The following SLC6A11 variants were observed in gnomAD, a reference collection of about 807,000 sequenced individuals.
SLC6A11 encodes sodium- and chloride-dependent GABA transporter 3.
A neutral mutation model predicts 74.8 loss-of-function variants in SLC6A11; 25 were observed. That is an observed-to-expected ratio of 0.33 (90% CI 0.24 to 0.47). The LOEUF (loss-of-function observed/expected upper bound fraction) is 0.47. Ranked by LOEUF, SLC6A11 falls within the 20% of genes least tolerant of loss-of-function variation. The probability of loss-of-function intolerance (pLI) is 1.00; values close to 1 mark genes in which losing one functional copy is unlikely to be tolerated. For missense variants in SLC6A11, 574 were observed against 837.0 expected, an observed-to-expected ratio of 0.69 and a Z score of 3.88; for synonymous variants, 330 against 330.2, an observed-to-expected ratio of 1.00 and a Z score of 0.01.
chr3:10,875,510 A>G (rs1694896706), intron 6 of SLC6A11, among the ~76,000 whole-genome samples: 1 of 152,224 alleles, frequency 6.6e-6, no homozygotes, highest in African/African-American at 2.4e-5. Flanking sequence ...AACAAATACT[A>G]AATTTCAGTT....
chr3:10,826,198 C>T (rs570809490), intron 4 of SLC6A11, among the ~76,000 whole-genome samples: 1 of 152,322 alleles, frequency 6.6e-6, no homozygotes, highest in African/African-American at 2.4e-5. Context: ...TAGAGTAGTG[C>T]TACTTAAATG....
chr3:10,919,895 A>G (rs1025309515), intron 8 of SLC6A11, among the ~76,000 whole-genome samples: 3 of 152,240 alleles, frequency 2.0e-5, no homozygotes, highest in African/African-American at 7.2e-5. Flanking sequence ...TGGAAGCAAG[A>G]GAGCTGGAAC....
chr3:10,853,814 G>A (rs1353321038), intron 5 of SLC6A11, among the ~76,000 whole-genome samples: 1 of 152,234 alleles, frequency 6.6e-6, no homozygotes, highest in Non-Finnish European at 1.5e-5. Context: ...TTTGATGGAT[G>A]ACTGAGGACC....
In SLC6A11 at chr3:10,939,395, G is replaced by A; in HGVS notation, c.*993G>A. ...CTCTCCACCCTTGGCAGGGCTGGCT[G>A]GAGTTGCTGTGGGGACTGATTTTCT... On this transcript the variant is annotated 3_prime_UTR_variant, in exon 14 of 14. Transcript: ENST00000254488. 6.6e-6 allele frequency: 1 copy of A among 152,544 alleles called. No individual in the cohort carries two copies. Among genetic ancestry groups the A allele is most frequent in the Non-Finnish European group, 1.5e-5 (1 of 68,278 alleles). The allele number at this position is 152,544 out of a possible 1,614,324, so 9.4% of individuals were successfully genotyped here.
chr3:10,864,567 G>A (rs1339164482), intron 5 of SLC6A11, among the ~76,000 whole-genome samples: 4 of 152,088 alleles, frequency 2.6e-5, no homozygotes, highest in Non-Finnish European at 4.4e-5. Context: ...CCTGTTGGGT[G>A]TGTCTGTGAT....
intron 6 of SLC6A11, among the ~76,000 whole-genome samples, chr3:10,896,795 G>A (rs532566931): frequency 1.3e-5 from 2 of 152,250 alleles, no homozygotes; most frequent in South Asian, 4.2e-4. Flanking sequence ...AATGGTGAGG[G>A]GGCATAGACC....
chr3:10,868,777 C>A (rs1189522704), intron 5 of SLC6A11, among the ~76,000 whole-genome samples: 1 of 152,224 alleles, frequency 6.6e-6, no homozygotes, highest in Non-Finnish European at 1.5e-5. Context: ...TGGCCTCTTG[C>A]CTCTTCCAGA....
intron 4 of SLC6A11, among the ~76,000 whole-genome samples, chr3:10,832,081 A>G (rs1329576021): frequency 6.6e-6 from 1 of 152,236 alleles, no homozygotes; most frequent in Non-Finnish European, 1.5e-5. Flanking sequence ...AATTATTTAA[A>G]TGAATTAATG....
In SLC6A11 at chr3:10,935,021, C is replaced by G. The variant is rs374102891; in HGVS notation, c.1576-8C>G. On this transcript the variant is annotated splice_region_variant and splice_polypyrimidine_tract_variant and intron_variant, in intron 12 of 13. Coordinates refer to ENST00000254488, the MANE Select transcript of SLC6A11 (RefSeq NM_014229.3). ...ATCCCCCAGGCACCTGCCCCCATCT[C>G]TCTGCAGGGGATCTTCATCTTCTTC... 1.2e-6 allele frequency: 2 copies of G among 1,612,094 alleles called. No individual in the cohort carries two copies. Among genetic ancestry groups the G allele is most frequent in the South Asian group, 1.1e-5 (1 of 90,512 alleles).
chr3:10,830,185 A>T (rs143963689), intron 4 of SLC6A11, among the ~76,000 whole-genome samples: 218 of 152,306 alleles, frequency 1.4e-3, no homozygotes, highest in African/African-American at 4.7e-3. Flanking sequence ...AGTTGGTGAT[A>T]CTTTAGCTGG....
At chr3:10,887,428 T>A (rs975437400) in intron 6 of SLC6A11, among the ~76,000 whole-genome samples, 1 of 152,142 alleles carries the variant, frequency 6.6e-6, no homozygotes, top group Non-Finnish European at 1.5e-5. Context: ...GAAAAGACTT[T>A]ATGAAACACA....
chr3:10,862,369 G>A (rs1425797557), intron 5 of SLC6A11, among the ~76,000 whole-genome samples: 1 of 152,116 alleles, frequency 6.6e-6, no homozygotes, highest in Non-Finnish European at 1.5e-5. Context: ...CTTTATGGTA[G>A]AGCTACGTAA....
intron 4 of SLC6A11, among the ~76,000 whole-genome samples, chr3:10,841,659 C>T (rs1267063413): frequency 6.6e-6 from 1 of 152,206 alleles, no homozygotes. Context: ...CAAAAATTTG[C>T]AGCATCCACA....
chr3:10,897,314 T>C (rs1451986453), intron 6 of SLC6A11, among the ~76,000 whole-genome samples: 1 of 152,200 alleles, frequency 6.6e-6, no homozygotes, highest in Admixed American at 6.5e-5. Flanking sequence ...CCCAAAGTCT[T>C]ATTTCAGCAT....
At position 10,844,248 on chromosome 3, in the gene SLC6A11, C is replaced by A; in HGVS notation, c.658C>A (p.His220Asn). The A allele has an allele frequency of 6.2e-7, 1 of 1,614,216 alleles. No individual in the cohort carries two copies. The highest frequency in any genetic ancestry group is 1.1e-5 in the South Asian group (1 of 91,084). ...RVLAISDGIEHIGNLRWELAL... is the reference protein window; with the variant it reads ...RVLAISDGIENIGNLRWELAL... ...CCTGGCCATCTCTGACGGGATCGAG[C>A]ACATCGGGAACCTTCGCTGGGAGCT... The change falls in exon 5 of 14, where the codon CAC (histidine) becomes AAC (asparagine). Residue 220 changes from histidine to asparagine, a missense_variant. This residue lies in a region of SLC6A11 where 215 missense variants were observed against 357.9 expected (regional missense o/e 0.60). Coordinates refer to ENST00000254488, the MANE Select transcript of SLC6A11 (RefSeq NM_014229.3).
chr3:10,908,431 A>G (rs1695339354), intron 6 of SLC6A11, among the ~76,000 whole-genome samples: 1 of 152,206 alleles, frequency 6.6e-6, no homozygotes, highest in South Asian at 2.1e-4. Flanking sequence ...AATGGTGAAC[A>G]TCAGAATAAA....
rs1399802777 is a variant in SLC6A11 at position 10,816,372 on chromosome 3, C to T, written c.107C>T (p.Ala36Val). 1 of 1,480,518 alleles carries T rather than the reference C, an allele frequency of 6.8e-7. No individual in the cohort carries two copies. Among genetic ancestry groups the T allele is most frequent in the Non-Finnish European group, 9.0e-7 (1 of 1,116,278 alleles). 91.7% of individuals were successfully genotyped at this position (1,480,518 alleles called of 1,614,324 possible). A position where few individuals can be genotyped will look rare whatever the true frequency, so the allele number is the denominator to read the frequency against. ...TGCAGCAGCGGGGGCGCGGCGCCCGCGCGCCACCCGCGCGTCAAGCGCGAC... is the reference window on the plus strand; with the variant it reads ...TGCAGCAGCGGGGGCGCGGCGCCCGTGCGCCACCCGCGCGTCAAGCGCGAC... ...GGCSSGGAAP[A>V]RHPRVKRDKA... Residue 36 changes from alanine to valine, a missense_variant, in exon 1 of 14, where the codon GCG (alanine) becomes GTG (valine). Coordinates refer to ENST00000254488, the MANE Select transcript of SLC6A11 (RefSeq NM_014229.3). The surrounding 1 kb of genome is among the most constrained non-coding windows in gnomAD (Gnocchi z 4.2).
intron 4 of SLC6A11, among the ~76,000 whole-genome samples, chr3:10,840,704 G>T (rs1694426646): frequency 6.6e-6 from 1 of 152,216 alleles, no homozygotes; most frequent in Admixed American, 6.5e-5. Flanking sequence ...GGGTTATGGA[G>T]GAATCAAGGC....
At chr3:10,890,484 AT>A (rs1695094895) in intron 6 of SLC6A11, among the ~76,000 whole-genome samples, 1 of 152,248 alleles carries the variant, frequency 6.6e-6, no homozygotes, top group South Asian at 2.1e-4. Flanking sequence ...GAAAGGGTCT[AT>A]CCCTGAGTGC....
Sources: allele counts gnomAD v4.1 joint callset (sites outside exome capture counted in the v4.1 genomes callset), GRCh38; gene constraint gnomAD v4.1.1; regional missense constraint gnomAD v4.1.1; non-coding constraint Gnocchi (gnomAD v3.1); transcripts MANE v1.5; gene names NCBI Gene and HGNC (gene_info 2026-07-23, HGNC 2026-07-21).